Variants in SEC24B observed in about 807,000 individuals in gnomAD.
SEC24B encodes protein transport protein Sec24B.
SEC24B carries 45 observed loss-of-function variants against 142.8 expected under a neutral mutation model. That is an observed-to-expected ratio of 0.32 (90% CI 0.25 to 0.40). The LOEUF (loss-of-function observed/expected upper bound fraction) is 0.40, where lower values mean the gene tolerates loss of function less well. Ranked by LOEUF, SEC24B falls within the 10% of genes least tolerant of loss-of-function variation. The pLI is 1.00. For synonymous variants in SEC24B, 574 were observed against 568.2 expected, an observed-to-expected ratio of 1.01 and a Z score of -0.15; for missense variants, 1,409 against 1,526.8, an observed-to-expected ratio of 0.92 and a Z score of 1.29.
intron 1 of SEC24B, among the ~76,000 whole-genome samples, chr4:109,439,034 C>G (rs1728669383): frequency 6.6e-6 from 1 of 152,074 alleles, no homozygotes; most frequent in South Asian, 2.1e-4. Context: ...TAATAATAAG[C>G]TGCTGCTTTT....
At chr4:109,481,221 A>G (rs1733706032) in intron 3 of SEC24B, among the ~76,000 whole-genome samples, 1 of 152,164 alleles carries the variant, frequency 6.6e-6, no homozygotes, top group African/African-American at 2.4e-5. Context: ...TTTACCATCA[A>G]GGTAACATTA....
chr4:109,513,836 A>T lies in SEC24B; in HGVS notation c.1993A>T (p.Ile665Phe). The T allele has an allele frequency of 6.2e-7, 1 of 1,606,258 alleles. No homozygotes were observed. The highest frequency in any genetic ancestry group is 8.5e-7 in the Non-Finnish European group (1 of 1,173,028). ...AGTTCAGAATTCAACTGTGGAGTTC[A>T]TTGCTTCTTCAGATTACATGGTAAC... Reference protein sequence around the residue: ...PEVQNSTVEFIASSDYMLRPP... With the variant: ...PEVQNSTVEFFASSDYMLRPP... Residue 665 changes from isoleucine to phenylalanine, a missense_variant, in exon 10 of 24, where the codon ATT becomes TTT. Ile to Phe is a conservative substitution (Grantham distance 21). Transcript: ENST00000265175.
intron 14 of SEC24B, 39 bp downstream of exon 14, chr4:109,521,665 G>A: frequency 7.3e-7 from 1 of 1,366,040 alleles, no homozygotes; most frequent in African/African-American, 1.5e-5. Context: ...TCAAGATTGT[G>A]TAATTATTTG....
Position 109,525,490 on chromosome 4 carries a change from T to C in SEC24B, c.2777T>C (p.Ile926Thr), listed in dbSNP as rs373821345. 1.9e-6 allele frequency: 3 copies of C among 1,605,368 alleles called. No individual in the cohort carries two copies. The highest frequency in any genetic ancestry group is 2.7e-5 in the African/African-American group (2 of 74,490). The change falls in exon 16 of 24, where the codon ATA becomes ACA. Residue 926 changes from isoleucine to threonine, a missense_variant. Around this residue, in one of 2 missense-constraint regions of SEC24B, gnomAD observed 700 missense variants for 853.3 expected, o/e 0.82. Coordinates refer to ENST00000265175, the MANE Select transcript of SEC24B (RefSeq NM_006323.5). ...ATTGGGTTTGAAGCTGTTATGAGAA[T>C]AAGGTGTACTAAAGGTATGAAGTTG... The part of the protein sequence containing the change: ...RKIGFEAVMR[I>T]RCTKGLSMHT...
intron 14 of SEC24B, among the ~76,000 whole-genome samples, chr4:109,522,319 G>A (rs1463683011): frequency 6.6e-6 from 1 of 152,140 alleles, no homozygotes; most frequent in African/African-American, 2.4e-5. Flanking sequence ...CCAAAGTGCT[G>A]GGATTACAGG....
At chr4:109,467,787 A>G (rs932144521) in intron 2 of SEC24B, among the ~76,000 whole-genome samples, 1 of 152,224 alleles carries the variant, frequency 6.6e-6, no homozygotes, top group Non-Finnish European at 1.5e-5. Context: ...TTCTTGCTTA[A>G]TAAGGACCAC....
In SEC24B at chr4:109,526,206, T is replaced by A. The variant is rs1724204323; in HGVS notation, c.2792-20T>A. 2 of 1,609,164 alleles carry A rather than the reference T, an allele frequency of 1.2e-6. No individual in the cohort carries two copies. The highest frequency in any genetic ancestry group is 1.3e-5 in the African/African-American group (1 of 74,612). On this transcript the variant is annotated intron_variant, in intron 16 of 23. Coordinates refer to ENST00000265175, the MANE Select transcript of SEC24B (RefSeq NM_006323.5). ...AGATACTATTGTTAACTTGATTTTT[T>A]ATGATTTTCTCCTTTTTAGGTCTTT...
chr4:109,493,027 T>G (rs1325801452), intron 5 of SEC24B, among the ~76,000 whole-genome samples: 1 of 152,056 alleles, frequency 6.6e-6, no homozygotes, highest in Non-Finnish European at 1.5e-5. Context: ...GCGCCATTGT[T>G]TTTTTTTATT....
intron 5 of SEC24B, among the ~76,000 whole-genome samples, chr4:109,493,130 C>G (rs1735188753): frequency 6.6e-6 from 1 of 152,002 alleles, no homozygotes; most frequent in Non-Finnish European, 1.5e-5. Flanking sequence ...AGGATTATGA[C>G]AGCATGTTGA....
At chr4:109,533,288 C>G (rs1418521405) in intron 21 of SEC24B, among the ~76,000 whole-genome samples, 1 of 152,084 alleles carries the variant, frequency 6.6e-6, no homozygotes, top group African/African-American at 2.4e-5. Context: ...TGAAAATACA[C>G]AGACAGTAAT....
At chr4:109,460,900 T>C (rs1731191915) in intron 1 of SEC24B, among the ~76,000 whole-genome samples, 2 of 152,000 alleles carry the variant, frequency 1.3e-5, no homozygotes, top group South Asian at 4.1e-4. Flanking sequence ...GTTTTATAGT[T>C]TTATAATCTT....
intron 6 of SEC24B, among the ~76,000 whole-genome samples, chr4:109,503,349 G>A (rs544775776): frequency 2.6e-5 from 4 of 151,626 alleles, no homozygotes; most frequent in Non-Finnish European, 5.9e-5. Context: ...TCAGCCTCCC[G>A]AGTAGCTGGG....
At chr4:109,522,303 A>G (rs1199538129) in intron 14 of SEC24B, among the ~76,000 whole-genome samples, 1 of 152,064 alleles carries the variant, frequency 6.6e-6, no homozygotes, top group Non-Finnish European at 1.5e-5. Flanking sequence ...CGCCCACTTC[A>G]GCCTCCCAAA....
intron 1 of SEC24B, chr4:109,449,370 C>T (rs1159729188): frequency 4.7e-5 from 17 of 363,498 alleles, no homozygotes; most frequent in Admixed American, 2.3e-4. Flanking sequence ...ACTACAGGCA[C>T]GTGCCACCAT....
chr4:109,455,275 G>T (rs994098208), intron 1 of SEC24B, among the ~76,000 whole-genome samples: 5 of 151,672 alleles, frequency 3.3e-5, no homozygotes, highest in South Asian at 2.1e-4. Flanking sequence ...TTGGGATGGA[G>T]TTTCACTTTT....
rs1362481837 is a variant in SEC24B, at chr4:109,463,084, CAG to C, written c.318_319del (p.Val107GlufsTer54). The stretch of plus-strand genomic sequence containing the variant: ...CCAACACAAAATGTGACTCCTAACA[CAG>C]TGAACCAGCAACCAGGAGCACAGCA... On this transcript the variant is annotated frameshift_variant, in exon 2 of 24. Transcript: ENST00000265175. LOFTEE classifies it high-confidence loss of function. The C allele has an allele frequency of 6.2e-7, 1 of 1,614,064 alleles. No individual in the cohort carries two copies. The highest frequency in any genetic ancestry group is 1.3e-5 in the African/African-American group (1 of 74,922).
At chr4:109,445,265 A>T (rs1247227463) in intron 1 of SEC24B, among the ~76,000 whole-genome samples, 2 of 109,696 alleles carry the variant, frequency 1.8e-5, no homozygotes, top group Non-Finnish European at 1.7e-5. Context: ...TTTTTTTGAG[A>T]CGGAGTCTTG....
At chr4:109,441,207 G>T (rs1321100873) in intron 1 of SEC24B, among the ~76,000 whole-genome samples, 1 of 152,150 alleles carries the variant, frequency 6.6e-6, no homozygotes, top group African/African-American at 2.4e-5. Context: ...AATGGATATT[G>T]TGAAATGAGG....
intron 22 of SEC24B, among the ~76,000 whole-genome samples, chr4:109,534,736 T>C (rs1003317305): frequency 6.6e-6 from 1 of 152,238 alleles, no homozygotes; most frequent in Non-Finnish European, 1.5e-5. Context: ...TACGATTATC[T>C]GTAACTCAAA....
Sources: gnomAD v4.1 joint callset for allele counts (sites outside exome capture counted in the v4.1 genomes callset) on GRCh38, gnomAD v4.1.1 for gene constraint, gnomAD v4.1.1 regional missense constraint, MANE v1.5 for transcripts, NCBI Gene and HGNC (gene_info 2026-07-23, HGNC 2026-07-21) for gene names.